The following BRCA2 variants were observed in gnomAD, a reference collection of about 807,000 sequenced individuals.
The protein encoded by BRCA2 is breast cancer type 2 susceptibility protein.
BRCA2 carries 203 observed loss-of-function variants against 276.7 expected under a neutral mutation model. That is an observed-to-expected ratio of 0.73 (90% CI 0.65 to 0.82). The LOEUF is 0.82. BRCA2 is among the 40% of genes least tolerant of loss of function. The pLI, the probability that BRCA2 is intolerant of heterozygous loss-of-function variation, is 0.00. For synonymous variants in BRCA2, 1,289 were observed against 1,338.4 expected, an observed-to-expected ratio of 0.96 and a Z score of 0.81; for missense variants, 3,920 against 3,915.0, an observed-to-expected ratio of 1.00 and a Z score of -0.03.
At chr13:32,315,714 C>G (rs1391959161) in intron 1 of BRCA2, 47 bp downstream of exon 1, 1 of 153,372 alleles carries the variant, frequency 6.5e-6, no homozygotes, top group Admixed American at 6.5e-5. Flanking sequence ...CTTCCGCAGT[C>G]CCAGTCCAGC....
rs1398504932 is a variant in BRCA2 at position 32,354,921 on chromosome 13, T to C, written c.7068T>C (p.Phe2356=). The part of the protein sequence containing the change: ...NPNFTAPGQE[F]LSKSHLYEHL... The stretch of plus-strand genomic sequence containing the variant: ...ATTTTACCGCACCTGGTCAAGAATT[T>C]CTGTCTAAATCTCATTTGTATGAAC... The change falls in exon 14 of 27, where the codon TTT becomes TTC. Residue 2356 remains phenylalanine (F), a synonymous_variant. Transcript: ENST00000380152. 6.2e-7 allele frequency: 1 copy of C among 1,613,740 alleles called. No individual in the cohort carries two copies. Among genetic ancestry groups the C allele is most frequent in the Non-Finnish European group, 8.5e-7 (1 of 1,179,806 alleles).
At chr13:32,330,345 C>CTT (rs1162269698) in intron 8 of BRCA2, among the ~76,000 whole-genome samples, 3 of 152,218 alleles carry the variant, frequency 2.0e-5, no homozygotes, top group African/African-American at 7.2e-5. Context: ...TAGATTTGTT[C>CTT]TTACCATAGA....
intron 21 of BRCA2, 104 bp from the exon 22 acceptor site, chr13:32,379,213 G>A: frequency 9.6e-7 from 1 of 1,043,454 alleles, no homozygotes; most frequent in Non-Finnish European, 1.4e-6. Flanking sequence ...CTTAAGATGA[G>A]CTCTAATTTT....
At chr13:32,380,702 G>A (rs1369886443) in intron 24 of BRCA2, among the ~76,000 whole-genome samples, 1 of 151,750 alleles carries the variant, frequency 6.6e-6, no homozygotes, top group Non-Finnish European at 1.5e-5. Context: ...CACCGAGCCT[G>A]GCCAATTTTT....
In BRCA2 at chr13:32,336,446, A is replaced by ATTTT; in HGVS notation, c.2091_2092insTTTT (p.Leu698PhefsTer11). The ATTTT allele has an allele frequency of 6.2e-7, 1 of 1,613,918 alleles. No homozygotes were observed. Among genetic ancestry groups the ATTTT allele is most frequent in the Non-Finnish European group, 8.5e-7 (1 of 1,179,894 alleles). Reference sequence around the variant, plus strand: ...AAGAAGCAAAATGTAATAAGGAAAAACTACAGTTATTTATTACCCCAGAAG... The same window carrying ATTTT: ...AAGAAGCAAAATGTAATAAGGAAAAATTTTCTACAGTTATTTATTACCCCAGAAG... On this transcript the variant is annotated frameshift_variant, in exon 11 of 27. Coordinates refer to ENST00000380152, the MANE Select transcript of BRCA2 (RefSeq NM_000059.4). LOFTEE classifies it high-confidence loss of function.
intron 13 of BRCA2, 65 bp from the exon 14 acceptor site, chr13:32,354,796 G>C (rs2137554754): frequency 1.8e-6 from 2 of 1,132,054 alleles, no homozygotes; most frequent in South Asian, 2.5e-5. Flanking sequence ...CTGCAACAAA[G>C]GCATATTCCT....
rs147854265 is a variant in BRCA2, at chr13:32,398,716, G to C, written c.10203G>C (p.Thr3401=). The C allele has an allele frequency of 1.2e-6, 2 of 1,613,804 alleles. No individual in the cohort carries two copies. The highest frequency in any genetic ancestry group is 1.6e-4 in the Middle Eastern group (1 of 6,062). Residue 3401 remains threonine (T), a synonymous_variant, in exon 27 of 27, where the codon ACG becomes ACC. Transcript: ENST00000380152. ...AACAGGAGAGTTCCCAGGCCAGTACGGAAGAATGTGAGAAAAATAAGCAGG... is the reference window on the plus strand; with the variant it reads ...AACAGGAGAGTTCCCAGGCCAGTACCGAAGAATGTGAGAAAAATAAGCAGG... The part of the protein sequence containing the change: ...IKEQESSQAS[T]EECEKNKQDT...
At chr13:32,388,468 A>G (rs2072976344) in intron 24 of BRCA2, among the ~76,000 whole-genome samples, 1 of 152,078 alleles carries the variant, frequency 6.6e-6, no homozygotes, top group Non-Finnish European at 1.5e-5. Flanking sequence ...AAACATGAGT[A>G]CCTTACAACT....
At position 32,318,080 on chromosome 13, in the gene BRCA2, C is replaced by T. The variant is rs206121; in HGVS notation, c.68-997C>T. On this transcript the variant is annotated intron_variant, in intron 2 of 26. Coordinates refer to ENST00000380152, the MANE Select transcript of BRCA2 (RefSeq NM_000059.4). ...TTACATTAAACTGGCATTATTATTA[C>T]TATTATTTTTAACAAGGACACTCAG... Among the ~76,000 whole-genome samples, 148,880 of 152,188 alleles carry T rather than the reference C, an allele frequency of 0.98. 72,903 individuals carry two copies. Among genetic ancestry groups the T allele is most frequent in the East Asian group, 1 (5,170 of 5,172 alleles).
intron 13 of BRCA2, among the ~76,000 whole-genome samples, chr13:32,350,145 G>A (rs1484135263): frequency 6.6e-6 from 1 of 152,054 alleles, no homozygotes; most frequent in Non-Finnish European, 1.5e-5. Flanking sequence ...TGTACCAAGT[G>A]CTTCAAAACA....
At chr13:32,341,847 G>T (rs1190491031) in intron 11 of BRCA2, among the ~76,000 whole-genome samples, 2 of 146,378 alleles carry the variant, frequency 1.4e-5, no homozygotes, top group African/African-American at 5.1e-5. Context: ...CAGCCTGGGC[G>T]ACAGAGCGAG....
intron 16 of BRCA2, among the ~76,000 whole-genome samples, chr13:32,361,441 T>C (rs937665224): frequency 1.3e-5 from 2 of 152,280 alleles, no homozygotes; most frequent in Non-Finnish European, 2.9e-5. Flanking sequence ...GTCGATTCTT[T>C]TGGGAGTTGC....
At chr13:32,327,483 A>G (rs1420069150) in intron 7 of BRCA2, among the ~76,000 whole-genome samples, 4 of 151,994 alleles carry the variant, frequency 2.6e-5, no homozygotes, top group South Asian at 2.1e-4. Context: ...CATCCTGGCT[A>G]ACGTGGTGAA....
chr13:32,319,385 G>A lies in BRCA2; in HGVS notation c.316+60G>A, dbSNP rs564899181. On this transcript the variant is annotated intron_variant, in intron 3 of 26. Transcript: ENST00000380152. ...ACAAACTAGGAATTTAGGCAAACCT[G>A]TGTTAAAATCTTAGCTCATTCATTA... The A allele has an allele frequency of 2.7e-6, 4 of 1,499,424 alleles. No homozygotes were observed. In the African/African-American group the frequency reaches 5.5e-5, roughly 21 times the overall value. 92.9% of individuals were successfully genotyped at this position (1,499,424 alleles called of 1,614,324 possible).
chr13:32,388,543 A>T (rs1238875464), intron 24 of BRCA2, among the ~76,000 whole-genome samples: 5 of 151,638 alleles, frequency 3.3e-5, no homozygotes, highest in African/African-American at 9.7e-5. Flanking sequence ...TTTTTTTTTT[A>T]AAAACAGGCC....
rs1032226790 is a variant in BRCA2, at chr13:32,337,420, A to G, written c.3065A>G (p.His1022Arg). ...ASNKEIKLSE[H>R]NIKKSKMFFK... ...AATAAGGAAATCAAGCTCTCTGAACATAACATTAAGAAGAGCAAAATGTTC... is the reference window on the plus strand; with the variant it reads ...AATAAGGAAATCAAGCTCTCTGAACGTAACATTAAGAAGAGCAAAATGTTC... The change falls in exon 11 of 27, where the codon CAT (histidine) becomes CGT (arginine). Residue 1022 changes from histidine (H) to arginine (R), a missense_variant. His to Arg is a conservative substitution (Grantham distance 29). Around this residue, in one of 2 missense-constraint regions of BRCA2, gnomAD observed 3,263 missense variants for 3,156.9 expected, o/e 1.03. Coordinates refer to ENST00000380152, the MANE Select transcript of BRCA2 (RefSeq NM_000059.4). The G allele has an allele frequency of 6.2e-7, 1 of 1,613,356 alleles. No individual in the cohort carries two copies. The highest frequency in any genetic ancestry group is 8.5e-7 in the Non-Finnish European group (1 of 1,179,554).
chr13:32,383,564 G>A (rs2072939991), intron 24 of BRCA2, among the ~76,000 whole-genome samples: 2 of 152,178 alleles, frequency 1.3e-5, no homozygotes, highest in African/African-American at 4.8e-5. Context: ...GAAGTAGTTG[G>A]AAAGTAGAAT....
chr13:32,321,288 G>T (rs889351092), intron 3 of BRCA2, among the ~76,000 whole-genome samples: 6 of 152,134 alleles, frequency 3.9e-5, no homozygotes, highest in African/African-American at 1.4e-4. Context: ...ATACAAATAT[G>T]AATAAGATGT....
chr13:32,323,752 G>A (rs1214077209), intron 3 of BRCA2, among the ~76,000 whole-genome samples: 1 of 152,120 alleles, frequency 6.6e-6, no homozygotes, highest in Non-Finnish European at 1.5e-5. Flanking sequence ...AGGACCAACC[G>A]AAGCAACTAT....
Sources: gnomAD v4.1 joint callset for allele counts (sites outside exome capture counted in the v4.1 genomes callset) on GRCh38, gnomAD v4.1.1 for gene constraint, gnomAD v4.1.1 regional missense constraint, MANE v1.5 for transcripts, NCBI Gene and HGNC (gene_info 2026-07-23, HGNC 2026-07-21) for gene names.